Variants in PCDH9 observed in about 807,000 individuals in gnomAD.
The protein encoded by PCDH9 is protocadherin-9.
PCDH9 carries 24 observed loss-of-function variants against 70.6 expected under a neutral mutation model. The observed-to-expected ratio is 0.34, with a 90% CI of 0.25 to 0.48. The LOEUF is 0.48. PCDH9 is among the 20% of genes least tolerant of loss of function. The pLI is 0.99. For missense variants in PCDH9, 1,281 were observed against 1,503.6 expected (o/e 0.85, Z 2.45); for synonymous variants, 562 against 558.5 (o/e 1.01, Z -0.09).
intron 4 of PCDH9, among the ~76,000 whole-genome samples, chr13:66,514,819 T>G (rs1011172414): frequency 2.0e-5 from 3 of 152,126 alleles, no homozygotes; most frequent in African/African-American, 7.2e-5. Context: ...GTTCACACTT[T>G]CAACTATATG....
At chr13:66,324,985 T>A (rs1045584068) in intron 4 of PCDH9, among the ~76,000 whole-genome samples, 2 of 151,976 alleles carry the variant, frequency 1.3e-5, no homozygotes, top group African/African-American at 2.4e-5. Flanking sequence ...TATCTAGCAA[T>A]CTAGATCTAA....
At chr13:66,687,242 C>T (rs976823) in intron 3 of PCDH9, among the ~76,000 whole-genome samples, 148,728 of 152,276 alleles carry the variant, frequency 0.98, 72,733 homozygotes, top group East Asian at 1. Flanking sequence ...GCATGAATCA[C>T]CTTCAGAGTT....
At chr13:66,769,238 G>A (rs946685051) in intron 3 of PCDH9, among the ~76,000 whole-genome samples, 5 of 152,040 alleles carry the variant, frequency 3.3e-5, no homozygotes, top group African/African-American at 1.2e-4. Context: ...TGTTCTTTGA[G>A]AGGAAGAGAC....
chr13:67,070,024 T>C lies in PCDH9; in HGVS notation c.3036+155381A>G, dbSNP rs753553947. The stretch of plus-strand genomic sequence containing the variant: ...TTAATTGAAATGTTCTTGATTTTTA[T>C]CAACCCTGCTACTAGGTCATGCAGG... On this transcript the variant is annotated intron_variant, in intron 2 of 4. Coordinates refer to ENST00000377865, the MANE Select transcript of PCDH9 (RefSeq NM_203487.3). 3.3e-5 allele frequency among the ~76,000 whole-genome samples: 5 copies of C among 151,766 alleles called. No homozygotes were observed. The South Asian group carries it at 6.2e-4, about 19-fold the overall frequency.
chr13:66,651,685 CA>C (rs2077853780), intron 3 of PCDH9, among the ~76,000 whole-genome samples: 1 of 151,840 alleles, frequency 6.6e-6, no homozygotes, highest in Admixed American at 6.6e-5. Context: ...ACACTGATAC[CA>C]AAACCTGACA....
At chr13:66,875,946 C>T (rs376443010) in intron 3 of PCDH9, among the ~76,000 whole-genome samples, 1 of 152,238 alleles carries the variant, frequency 6.6e-6, no homozygotes, top group East Asian at 1.9e-4. Context: ...TGAAAGACAG[C>T]CAATTCCAAA....
intron 3 of PCDH9, among the ~76,000 whole-genome samples, chr13:66,650,730 A>G (rs1168230329): frequency 6.6e-6 from 1 of 152,020 alleles, no homozygotes; most frequent in Non-Finnish European, 1.5e-5. Context: ...TGCAAAATAC[A>G]CATTATTCTC....
chr13:66,951,458 G>A (rs910951102), intron 2 of PCDH9, among the ~76,000 whole-genome samples: 3 of 152,246 alleles, frequency 2.0e-5, no homozygotes, highest in East Asian at 3.9e-4. Flanking sequence ...GAATGCAGAC[G>A]TAATTGAGCT....
intron 2 of PCDH9, among the ~76,000 whole-genome samples, chr13:67,194,881 A>G (rs2089018268): frequency 6.6e-6 from 1 of 152,180 alleles, no homozygotes; most frequent in Non-Finnish European, 1.5e-5. Context: ...AATGTTTCAA[A>G]CAAATAACAA....
In PCDH9 at chr13:66,939,949, A is replaced by G. The variant is rs182292860; in HGVS notation, c.3037-36344T>C. 1.7e-3 allele frequency among the ~76,000 whole-genome samples: 254 copies of G among 152,240 alleles called. 3 individuals carry two copies. Among genetic ancestry groups the G allele is most frequent in the African/African-American group, 5.7e-3 (236 of 41,540 alleles). On this transcript the variant is annotated intron_variant, in intron 2 of 4. Coordinates refer to ENST00000377865, the MANE Select transcript of PCDH9 (RefSeq NM_203487.3). Reference sequence around the variant, plus strand: ...CAATTTGATGTATAATTCCTTAACAATGTTTTATATATTCTGTAAAAAGAC... The same window carrying G: ...CAATTTGATGTATAATTCCTTAACAGTGTTTTATATATTCTGTAAAAAGAC...
At chr13:66,586,707 AAG>A (rs1390773734) in intron 4 of PCDH9, among the ~76,000 whole-genome samples, 5 of 152,202 alleles carry the variant, frequency 3.3e-5, no homozygotes, top group Non-Finnish European at 7.3e-5. Context: ...ACCACTAGAC[AAG>A]AGGAGTTGCA....
intron 2 of PCDH9, among the ~76,000 whole-genome samples, chr13:66,998,076 G>T (rs1466399957): frequency 6.6e-6 from 1 of 152,140 alleles, no homozygotes; most frequent in Non-Finnish European, 1.5e-5. Flanking sequence ...AAAGTGATAT[G>T]AGAAAATTTT....
At chr13:66,322,876 C>A (rs533819671) in intron 4 of PCDH9, among the ~76,000 whole-genome samples, 208 of 151,936 alleles carry the variant, frequency 1.4e-3, no homozygotes, top group Non-Finnish European at 2.6e-3. Flanking sequence ...AAATGGATTA[C>A]AAAAAAAGTA....
intron 3 of PCDH9, among the ~76,000 whole-genome samples, chr13:66,818,958 C>CAAAAAACA (rs1555272004): frequency 2.9e-5 from 4 of 136,820 alleles, no homozygotes; most frequent in Non-Finnish European, 4.8e-5. Context: ...AAACAAAAAA[C>CAAAAAACA]AAAAAAACAA....
intron 4 of PCDH9, among the ~76,000 whole-genome samples, chr13:66,379,637 G>A (rs1956808115): frequency 6.6e-6 from 1 of 152,152 alleles, no homozygotes; most frequent in African/African-American, 2.4e-5. Flanking sequence ...CTGAGCCAAA[G>A]AGGCAGGGTA....
At chr13:66,752,205 A>G (rs1566170487) in intron 3 of PCDH9, among the ~76,000 whole-genome samples, 1 of 152,258 alleles carries the variant, frequency 6.6e-6, no homozygotes, top group Non-Finnish European at 1.5e-5. Flanking sequence ...AAGAGAAAAG[A>G]AAAGTCAAGT....
chr13:66,964,114 T>C (rs2083393831), intron 2 of PCDH9, among the ~76,000 whole-genome samples: 1 of 152,076 alleles, frequency 6.6e-6, no homozygotes, highest in Non-Finnish European at 1.5e-5. Context: ...GTTGCTTATA[T>C]TCAAAAAACC....
At position 67,228,467 on chromosome 13, in the gene PCDH9, G is replaced by A; in HGVS notation, c.-27C>T. 1.3e-6 allele frequency: 2 copies of A among 1,526,688 alleles called. No individual in the cohort carries two copies. The highest frequency in any genetic ancestry group is 1.4e-5 in the African/African-American group (1 of 71,970). 94.6% of individuals were successfully genotyped at this position (1,526,688 alleles called of 1,614,324 possible). A position where few individuals can be genotyped will look rare whatever the true frequency, so the allele number is the denominator to read the frequency against. Reference sequence around the variant, plus strand: ...ATAATGTATTTATTTTCTTTTCCTGGATTTTAGGGTTTAAAGGTTTCCACT... The same window carrying A: ...ATAATGTATTTATTTTCTTTTCCTGAATTTTAGGGTTTAAAGGTTTCCACT... On this transcript the variant is annotated 5_prime_UTR_variant, in exon 2 of 5. Transcript: ENST00000377865.
At chr13:66,735,237 G>C (rs957407285) in intron 3 of PCDH9, among the ~76,000 whole-genome samples, 1 of 152,138 alleles carries the variant, frequency 6.6e-6, no homozygotes, top group East Asian at 1.9e-4. Context: ...ATGCTGACTG[G>C]ATGCTACAAA....
Sources: allele counts gnomAD v4.1 joint callset (sites outside exome capture counted in the v4.1 genomes callset), GRCh38; gene constraint gnomAD v4.1.1; transcripts MANE v1.5; gene names NCBI Gene and HGNC (gene_info 2026-07-23, HGNC 2026-07-21).